EXOC2: variants seen among roughly 807,000 people sequenced by gnomAD.
EXOC2 encodes SEC5-like 1.
Under a neutral mutation model 131.8 loss-of-function variants are expected in EXOC2, and 70 were observed. The ratio of observed to expected loss-of-function variants is 0.53; its 90% CI spans 0.44 to 0.65. The LOEUF (loss-of-function observed/expected upper bound fraction) is 0.65, where lower values mean the gene tolerates loss of function less well. Among genes scored for constraint, EXOC2 ranks in the 30% least tolerant of loss-of-function variants. The pLI is 0.00. For synonymous variants in EXOC2, 411 were observed against 398.4 expected (o/e 1.03, Z -0.38); for missense variants, 923 against 1,108.6 (o/e 0.83, Z 2.38).
chr6:590,443 T>A lies in EXOC2; in HGVS notation c.1192+2026A>T, dbSNP rs116499508. On this transcript the variant is annotated intron_variant, in intron 11 of 27. Coordinates refer to ENST00000230449, the MANE Select transcript of EXOC2 (RefSeq NM_018303.6). ...CAAGCCAACTAATTCATGACAAAACTATGCTAGAAAGAAACAACGGCGACC... is the reference window on the plus strand; with the variant it reads ...CAAGCCAACTAATTCATGACAAAACAATGCTAGAAAGAAACAACGGCGACC... 4.7e-3 allele frequency among the ~76,000 whole-genome samples: 716 copies of A among 152,276 alleles called. 4 individuals carry two copies. Among genetic ancestry groups the A allele is most frequent in the African/African-American group, 0.016 (668 of 41,562 alleles).
intron 4 of EXOC2, among the ~76,000 whole-genome samples, chr6:623,917 G>A (rs1191573903): frequency 6.6e-6 from 1 of 152,140 alleles, no homozygotes; most frequent in East Asian, 1.9e-4. Flanking sequence ...TATGCTAAGG[G>A]CAACAGAACA....
chr6:584,914 A>T (rs1347830805), intron 11 of EXOC2, among the ~76,000 whole-genome samples: 2 of 152,218 alleles, frequency 1.3e-5, no homozygotes, highest in Non-Finnish European at 2.9e-5. Flanking sequence ...CAGAACAAAG[A>T]AAAAAACACC....
At chr6:615,618 G>A (rs923993151) in intron 6 of EXOC2, among the ~76,000 whole-genome samples, 7 of 151,864 alleles carry the variant, frequency 4.6e-5, no homozygotes, top group African/African-American at 1.7e-4. Context: ...TACTTGGGAG[G>A]CTGAGGCAGG....
At chr6:552,906 G>A (rs1757223189) in intron 21 of EXOC2, among the ~76,000 whole-genome samples, 1 of 151,902 alleles carries the variant, frequency 6.6e-6, no homozygotes, top group Non-Finnish European at 1.5e-5. Flanking sequence ...TGACAAACCA[G>A]AGAGGGTTAT....
intron 22 of EXOC2, among the ~76,000 whole-genome samples, chr6:547,042 G>A (rs749327142): frequency 6.6e-6 from 1 of 152,196 alleles, no homozygotes; most frequent in Non-Finnish European, 1.5e-5. Context: ...TGCTCTTACA[G>A]GTCAAGTCCT....
intron 1 of EXOC2, among the ~76,000 whole-genome samples, chr6:658,668 T>TTATATATATATATATATATATATATA (rs1561983460): frequency 1.6e-5 from 2 of 128,034 alleles, no homozygotes; most frequent in Non-Finnish European, 3.4e-5. Flanking sequence ...TATATATATT[T>TTATATATATATATATATATATATATA]TTTTTTTTTT....
intron 1 of EXOC2, among the ~76,000 whole-genome samples, chr6:651,176 G>A (rs1174573104): frequency 6.6e-6 from 1 of 151,796 alleles, no homozygotes; most frequent in East Asian, 1.9e-4. Context: ...GACTACAGGC[G>A]CCCGCCACCA....
chr6:610,141 T>A lies in EXOC2; in HGVS notation c.699A>T (p.Lys233Asn). The change falls in exon 7 of 28, where the codon AAA becomes AAT. Residue 233 changes from lysine to asparagine, a missense_variant. Coordinates refer to ENST00000230449, the MANE Select transcript of EXOC2 (RefSeq NM_018303.6). ...HQKLEADGTE[K>N]VEGSMTQKLE... is the part of the protein sequence containing the mutation. ...GTTTCTGCGTCATGGATCCTTCTAC[T>A]TTTTCCGTTCCATCTGCTTCTAGTT... 1 of 1,614,012 alleles carries A rather than the reference T, an allele frequency of 6.2e-7. No individual in the cohort carries two copies. Among genetic ancestry groups the A allele is most frequent in the Non-Finnish European group, 8.5e-7 (1 of 1,179,936 alleles).
chr6:508,123 T>A (rs1276837123), intron 23 of EXOC2, among the ~76,000 whole-genome samples: 1 of 152,198 alleles, frequency 6.6e-6, no homozygotes. Context: ...TCTATAACAA[T>A]TTTTTAATTG....
intron 22 of EXOC2, among the ~76,000 whole-genome samples, chr6:541,819 G>C (rs983350152): frequency 2.0e-5 from 3 of 151,988 alleles, no homozygotes; most frequent in African/African-American, 7.2e-5. Flanking sequence ...AGAAAATCTG[G>C]GCATACGGAA....
intron 17 of EXOC2, among the ~76,000 whole-genome samples, chr6:559,586 G>A (rs936877478): frequency 1.3e-5 from 2 of 152,176 alleles, no homozygotes; most frequent in Non-Finnish European, 2.9e-5. Flanking sequence ...AGATAGTTAT[G>A]TGGCTTGTGT....
chr6:497,520 G>C (rs6909878), intron 24 of EXOC2, 31 bp from the exon 25 acceptor site: 751,245 of 1,580,900 alleles, frequency 0.48, 188,303 homozygotes, highest in East Asian at 0.72. Flanking sequence ...ATGGTGCTTT[G>C]TGGGGCTTTT....
At chr6:639,548 A>T (rs1353555174) in intron 1 of EXOC2, among the ~76,000 whole-genome samples, 1 of 152,164 alleles carries the variant, frequency 6.6e-6, no homozygotes, top group Non-Finnish European at 1.5e-5. Flanking sequence ...CACCCTGTCC[A>T]CACAACTGAA....
intron 1 of EXOC2, among the ~76,000 whole-genome samples, chr6:682,495 C>T (rs1327778193): frequency 1.3e-5 from 2 of 152,090 alleles, no homozygotes; most frequent in Admixed American, 6.5e-5. Flanking sequence ...CCACCGCGCC[C>T]GGCCCCGAGT....
rs141762626 is a variant in EXOC2, at chr6:656,622, C to G, written c.-43-18761G>C. On this transcript the variant is annotated intron_variant, in intron 1 of 27. Transcript: ENST00000230449. The stretch of plus-strand genomic sequence containing the variant: ...CACCGCCACCGTGAGGGAGGGGCGG[C>G]GCTTGTGGGTCAGCTGCAGCTTCAG... The G allele has an allele frequency of 1.6e-3, 2,526 of 1,603,028 alleles. 60 individuals carry two copies. In the Admixed American group the frequency reaches 0.04, roughly 25 times the overall value.
intron 1 of EXOC2, among the ~76,000 whole-genome samples, chr6:688,326 C>G (rs1267291074): frequency 5.0e-5 from 7 of 139,622 alleles, no homozygotes; most frequent in Non-Finnish European, 1.1e-4. Context: ...GGGCACAGAT[C>G]TGGATACTGT....
Position 617,696 on chromosome 6 carries a change from T to C in EXOC2, c.661+15A>G. On this transcript the variant is annotated intron_variant, in intron 6 of 27. Transcript: ENST00000230449. Reference sequence around the variant, plus strand: ...GGCGGAAGCTGCCAGCAGATGGCTCTGAGGATCGCCTTACCTGAGAGGGCA... The same window carrying C: ...GGCGGAAGCTGCCAGCAGATGGCTCCGAGGATCGCCTTACCTGAGAGGGCA... The C allele has an allele frequency of 8.1e-6, 13 of 1,608,640 alleles. No homozygotes were observed. Among genetic ancestry groups the C allele is most frequent in the Non-Finnish European group, 1.1e-5 (13 of 1,177,260 alleles).
intron 1 of EXOC2, among the ~76,000 whole-genome samples, chr6:641,176 G>A (rs1762337146): frequency 6.6e-6 from 1 of 152,092 alleles, no homozygotes; most frequent in Admixed American, 6.6e-5. Context: ...CACATAATGG[G>A]AGGCTGACAG....
intron 23 of EXOC2, among the ~76,000 whole-genome samples, chr6:515,413 G>A (rs1174178894): frequency 6.6e-6 from 1 of 152,220 alleles, no homozygotes; most frequent in East Asian, 1.9e-4. Flanking sequence ...CTGCTTTCCT[G>A]TCATGGCTGT....
Sources: allele counts gnomAD v4.1 joint callset (sites outside exome capture counted in the v4.1 genomes callset), GRCh38; gene constraint gnomAD v4.1.1; transcripts MANE v1.5; gene names NCBI Gene and HGNC (gene_info 2026-07-23, HGNC 2026-07-21).